Variants in SRRT observed in about 807,000 individuals in gnomAD.
SRRT encodes the protein serrate RNA effector molecule homolog.
A neutral mutation model predicts 103.2 loss-of-function variants in SRRT; 32 were observed. The ratio of observed to expected loss-of-function variants is 0.31; its 90% CI spans 0.23 to 0.42. The LOEUF (loss-of-function observed/expected upper bound fraction) is 0.42. SRRT is among the 10% of genes least tolerant of loss of function. SRRT has a pLI of 1.00. For missense variants in SRRT, 986 were observed against 1,207.5 expected (o/e 0.82, Z 2.72); for synonymous variants, 525 against 449.0 (o/e 1.17, Z -2.14).
In SRRT at chr7:100,884,794, G is replaced by A. The variant is rs755891051; in HGVS notation, c.997G>A (p.Asp333Asn). ...AACAAAGAAGTCGGAGGGTGATGGG[G>A]ACAAGGAAGAGAAGAAAGAAGACTC... ...DKTKKSEGDG[D>N]KEEKKEDSEK... Residue 333 changes from aspartate to asparagine, a missense_variant, in exon 8 of 20, where the codon GAC becomes AAC. This residue lies in a region of SRRT where 166 missense variants were observed against 148.6 expected (regional missense o/e 1.12). Transcript: ENST00000611405. 6.2e-6 allele frequency: 10 copies of A among 1,613,988 alleles called. No homozygotes were observed. In the African/African-American group the frequency reaches 8.0e-5, roughly 13 times the overall value.
chr7:100,886,130 C>G lies in SRRT; in HGVS notation c.1459-117C>G, dbSNP rs561905532. On this transcript the variant is annotated intron_variant, in intron 12 of 19. Coordinates refer to ENST00000611405, the MANE Select transcript of SRRT (RefSeq NM_015908.6). The stretch of plus-strand genomic sequence containing the variant: ...GACGGAACCTATGTGGTCCCCGTCC[C>G]CAGGGAGCTCGCAGTCTGATCAATC... 9 of 1,320,054 alleles carry G rather than the reference C, an allele frequency of 6.8e-6. No homozygotes were observed. In the East Asian group the frequency reaches 2.2e-4, roughly 32 times the overall value. The allele number at this position is 1,320,054 out of a possible 1,614,324, so 81.8% of individuals were successfully genotyped here.
rs746932036 is a variant in SRRT, at chr7:100,885,385, G to A, written c.1317+15G>A. 6.8e-6 allele frequency: 11 copies of A among 1,609,610 alleles called. No homozygotes were observed. Among genetic ancestry groups the A allele is most frequent in the South Asian group, 5.5e-5 (5 of 90,776 alleles). The stretch of plus-strand genomic sequence containing the variant: ...AGATCATCTCCGTGAGTGGGGACCC[G>A]TGGAGTCAGGGCAGGGCTGATGGAG... On this transcript the variant is annotated intron_variant, in intron 10 of 19. Transcript: ENST00000611405. This position sits in a 1 kb window ranked among gnomAD's most constrained non-coding sequence, Gnocchi z 4.8.
chr7:100,884,913 G>C lies in SRRT; in HGVS notation c.1042-10G>C. The C allele has an allele frequency of 6.2e-7, 1 of 1,614,044 alleles. No individual in the cohort carries two copies. Among genetic ancestry groups the C allele is most frequent in the Non-Finnish European group, 8.5e-7 (1 of 1,179,970 alleles). The stretch of plus-strand genomic sequence containing the variant: ...ACGCTGACTTGTCCCCTCTGCTGTG[G>C]CTCACACAGAGTAGCAAGAAGCGGA... On this transcript the variant is annotated splice_polypyrimidine_tract_variant and intron_variant, in intron 8 of 19. Transcript: ENST00000611405.
At chr7:100,884,882 T>G (rs1412414320) in intron 8 of SRRT, 41 bp from the exon 9 acceptor site, 1 of 1,613,694 alleles carries the variant, frequency 6.2e-7, no homozygotes, top group South Asian at 1.1e-5. Flanking sequence ...GGGCTGGGGT[T>G]CTGGCACGCT....
rs1254130519 is a variant in SRRT at position 100,877,367 on chromosome 7, G to A, written c.122+1655G>A. Among the ~76,000 whole-genome samples, 4 of 133,394 alleles carry A rather than the reference G, an allele frequency of 3.0e-5. No homozygotes were observed. In the South Asian group the frequency reaches 1.1e-3, roughly 36 times the overall value. The allele number at this position is 133,394 out of a possible 152,430, so 87.5% of individuals were successfully genotyped here. A position where few individuals can be genotyped will look rare whatever the true frequency, so the allele number is the denominator to read the frequency against. ...ACCCAGGAGGCACAGGTTGTAGTGA[G>A]CTGAGATCACACCCCTGCACTCCGG... On this transcript the variant is annotated intron_variant, in intron 2 of 19. Transcript: ENST00000611405.
intron 13 of SRRT, 110 bp downstream of exon 13, chr7:100,886,545 C>G (rs1790122411): frequency 8.2e-7 from 1 of 1,214,116 alleles, no homozygotes; most frequent in Admixed American, 2.3e-5. Flanking sequence ...CACTCGCCTG[C>G]TCACTCATTT....
rs1790247267 is a variant in SRRT, at chr7:100,887,465, A to C, written c.2121A>C (p.Glu707Asp). 6.2e-7 allele frequency: 1 copy of C among 1,614,176 alleles called. No individual in the cohort carries two copies. Among genetic ancestry groups the C allele is most frequent in the Non-Finnish European group, 8.5e-7 (1 of 1,180,028 alleles). ...AGTTCGTCACCTCCAACACGCAGGAACTGGGCAAGGATAAGTGGCTGTGTC... is the reference window on the plus strand; with the variant it reads ...AGTTCGTCACCTCCAACACGCAGGACCTGGGCAAGGATAAGTGGCTGTGTC... ...VEKFVTSNTQ[E>D]LGKDKWLCPL... is the part of the protein sequence containing the mutation. The change falls in exon 16 of 20, where the codon GAA becomes GAC. Residue 707 changes from glutamate to aspartate, a missense_variant. Glu to Asp is a conservative substitution (Grantham distance 45). This residue lies in a region of SRRT where 349 missense variants were observed against 446.9 expected (regional missense o/e 0.78). Coordinates refer to ENST00000611405, the MANE Select transcript of SRRT (RefSeq NM_015908.6). This position sits in a 1 kb window ranked among gnomAD's most constrained non-coding sequence, Gnocchi z 4.1.
intron 2 of SRRT, among the ~76,000 whole-genome samples, chr7:100,876,379 C>T (rs1482841143): frequency 6.6e-6 from 1 of 152,072 alleles, no homozygotes; most frequent in South Asian, 2.1e-4. Context: ...TTGGAACTCT[C>T]GACTTTAGGT....
chr7:100,876,354 G>A (rs1815708353), intron 2 of SRRT, among the ~76,000 whole-genome samples: 1 of 152,152 alleles, frequency 6.6e-6, no homozygotes, highest in Non-Finnish European at 1.5e-5. Flanking sequence ...GTTTCACCAT[G>A]TTGGCTAGGC....
Position 100,887,148 on chromosome 7 carries a change from G to A in SRRT, c.1923G>A (p.Gly641=), listed in dbSNP as rs1790209694. 2.5e-6 allele frequency: 4 copies of A among 1,614,204 alleles called. No homozygotes were observed. The highest frequency in any genetic ancestry group is 1.3e-5 in the African/African-American group (1 of 75,048). The part of the protein sequence containing the change: ...PNEDEMPNRC[G]IIHVRGPMPP... ...AGGACGAGATGCCCAATCGCTGTGG[G>A]ATCATCCACGTTCGGGGGCCCATGC... is the stretch of plus-strand genomic sequence containing the variant. The change falls in exon 15 of 20, where the codon GGG becomes GGA. Residue 641 remains glycine (G), a synonymous_variant. Coordinates refer to ENST00000611405, the MANE Select transcript of SRRT (RefSeq NM_015908.6). This position sits in a 1 kb window ranked among gnomAD's most constrained non-coding sequence, Gnocchi z 4.1.
At position 100,887,576 on chromosome 7, in the gene SRRT, C is replaced by T; in HGVS notation, c.2169+63C>T. 2.5e-6 allele frequency: 4 copies of T among 1,590,634 alleles called. No homozygotes were observed. The highest frequency in any genetic ancestry group is 3.4e-6 in the Non-Finnish European group (4 of 1,166,050). ...GGAGGTGGGGTTGAGACAGGAAGCC[C>T]CCTGGGCAGGGGTGGGGGAACTGCT... On this transcript the variant is annotated intron_variant, in intron 16 of 19. Transcript: ENST00000611405. This position sits in a 1 kb window ranked among gnomAD's most constrained non-coding sequence, Gnocchi z 4.1.
At chr7:100,876,972 A>C (rs1815772621) in intron 2 of SRRT, among the ~76,000 whole-genome samples, 1 of 152,190 alleles carries the variant, frequency 6.6e-6, no homozygotes, top group Non-Finnish European at 1.5e-5. Flanking sequence ...CCTGTTTCTC[A>C]GGATGTCCAC....
intron 2 of SRRT, among the ~76,000 whole-genome samples, chr7:100,878,809 C>T (rs960563437): frequency 1.3e-5 from 2 of 152,038 alleles, no homozygotes; most frequent in African/African-American, 4.8e-5. Flanking sequence ...TTAGGTGATC[C>T]TCTCACCTCA....
In SRRT at chr7:100,875,599, C is replaced by T. The variant is rs765260706; in HGVS notation, c.9C>T (p.Asp3=). Residue 3 remains aspartate (D), a synonymous_variant, in exon 2 of 20, where the codon GAC becomes GAT. Transcript: ENST00000611405. MG[D]SDDEYDRRRR... Reference sequence around the variant, plus strand: ...CCCCCTCAGACCGTGCCATGGGTGACAGTGATGACGAGTACGATCGAAGGC... The same window carrying T: ...CCCCCTCAGACCGTGCCATGGGTGATAGTGATGACGAGTACGATCGAAGGC... 6.2e-7 allele frequency: 1 copy of T among 1,613,984 alleles called. No individual in the cohort carries two copies.
chr7:100,880,600 C>A (rs564069393), intron 2 of SRRT: 8 of 315,244 alleles, frequency 2.5e-5, no homozygotes, highest in African/African-American at 1.1e-4. Flanking sequence ...CCACCGCACC[C>A]GGCTGAATAG....
chr7:100,886,459 T>C (rs2115881138), intron 13 of SRRT, 24 bp downstream of exon 13: 2 of 1,594,492 alleles, frequency 1.3e-6, no homozygotes, highest in East Asian at 4.5e-5. Flanking sequence ...CAAAGGACTT[T>C]GTCAGAAGCA....
At position 100,885,174 on chromosome 7, in the gene SRRT, A is replaced by C. The variant is rs774097817; in HGVS notation, c.1160-39A>C. Reference sequence around the variant, plus strand: ...ATCCTCCCCACCACAATCAGTAATAAAAATGCACCAACTCCTTCCTACCCC... The same window carrying C: ...ATCCTCCCCACCACAATCAGTAATACAAATGCACCAACTCCTTCCTACCCC... On this transcript the variant is annotated intron_variant, in intron 9 of 19. Transcript: ENST00000611405. The surrounding 1 kb of genome is among the most constrained non-coding windows in gnomAD (Gnocchi z 4.8). The C allele has an allele frequency of 6.2e-7, 1 of 1,606,638 alleles. No homozygotes were observed. Among genetic ancestry groups the C allele is most frequent in the East Asian group, 2.2e-5 (1 of 44,738 alleles).
Position 100,882,193 on chromosome 7 carries a change from G to A in SRRT, c.539G>A (p.Arg180Gln), listed in dbSNP as rs745755853. 7 of 1,614,156 alleles carry A rather than the reference G, an allele frequency of 4.3e-6. No homozygotes were observed. The highest frequency in any genetic ancestry group is 5.9e-6 in the Non-Finnish European group (7 of 1,180,006). ...KRYNDYKLDF[R>Q]RQQMQDFFLA... ...TATAATGACTACAAGCTGGATTTCC[G>A]GAGGCAACAGATGCAGGATTTCTTC... The change falls in exon 5 of 20, where the codon CGG (arginine) becomes CAG (glutamine). Residue 180 changes from arginine to glutamine, a missense_variant. Arg to Gln is a conservative substitution (Grantham distance 43). This residue lies in a region of SRRT where 274 missense variants were observed against 358.5 expected (regional missense o/e 0.76). Transcript: ENST00000611405. This position sits in a 1 kb window ranked among gnomAD's most constrained non-coding sequence, Gnocchi z 4.2.
intron 6 of SRRT, 56 bp downstream of exon 6, chr7:100,884,295 T>A: frequency 6.2e-7 from 1 of 1,609,118 alleles, no homozygotes; most frequent in African/African-American, 1.3e-5. Context: ...TGGGGGTGTC[T>A]GGGGATCAGG....
Sources: allele counts gnomAD v4.1 joint callset (sites outside exome capture counted in the v4.1 genomes callset), GRCh38; gene constraint gnomAD v4.1.1; regional missense constraint gnomAD v4.1.1; non-coding constraint Gnocchi (gnomAD v3.1); transcripts MANE v1.5; gene names NCBI Gene and HGNC (gene_info 2026-07-23, HGNC 2026-07-21).